The following RAD9B variants were observed in gnomAD, a reference collection of about 807,000 sequenced individuals.
RAD9B encodes cell cycle checkpoint control protein RAD9B.
A neutral mutation model predicts 48.3 loss-of-function variants in RAD9B; 41 were observed. The observed-to-expected ratio is 0.85, with a 90% CI of 0.66 to 1.10. The LOEUF (loss-of-function observed/expected upper bound fraction) is 1.10. RAD9B is among the 50% of genes least tolerant of loss of function. The pLI, the probability that RAD9B is intolerant of heterozygous loss-of-function variation, is 0.00. For missense variants in RAD9B, 444 were observed against 485.1 expected (o/e 0.92, Z 0.80); for synonymous variants, 160 against 157.9 (o/e 1.01, Z -0.10).
chr12:110,511,005 G>GAGAAA (rs199545148), intron 4 of RAD9B, among the ~76,000 whole-genome samples: 9 of 151,888 alleles, frequency 5.9e-5, no homozygotes, highest in Non-Finnish European at 7.4e-5. Context: ...GAGAAGAGGA[G>GAGAAA]AGAAAAGAAA....
intron 10 of RAD9B, among the ~76,000 whole-genome samples, chr12:110,525,142 C>T (rs1244652296): frequency 2.0e-5 from 3 of 152,080 alleles, no homozygotes; most frequent in Non-Finnish European, 4.4e-5. Flanking sequence ...CCTACCACCA[C>T]GCCCAGCTAA....
rs558272262 is a variant in RAD9B, at chr12:110,530,383, G to A, written c.1126-142G>A. The A allele has an allele frequency of 5.2e-6, 4 of 767,574 alleles. No individual in the cohort carries two copies. In the African/African-American group the frequency reaches 6.9e-5, roughly 13 times the overall value. The allele number at this position is 767,574 out of a possible 1,614,324, so 47.5% of individuals were successfully genotyped here. A position where few individuals can be genotyped will look rare whatever the true frequency, so the allele number is the denominator to read the frequency against. The stretch of plus-strand genomic sequence containing the variant: ...AGGACGTGTTGGACCAATAATGAAG[G>A]TTCTGGGTGTTCTGTGAACCATCAC... On this transcript the variant is annotated intron_variant, in intron 10 of 10. Coordinates refer to ENST00000409300, the MANE Select transcript of RAD9B (RefSeq NM_001286535.2).
At chr12:110,506,544 T>C in intron 3 of RAD9B, 35 bp from the exon 4 acceptor site, 1 of 1,011,696 alleles carries the variant, frequency 9.9e-7, no homozygotes, top group South Asian at 1.3e-5. Context: ...TCAACCATGT[T>C]AAGTATGTGC....
chr12:110,524,388 C>G (rs372633007), intron 10 of RAD9B, among the ~76,000 whole-genome samples: 9 of 151,602 alleles, frequency 5.9e-5, no homozygotes, highest in Non-Finnish European at 1.2e-4. Context: ...TTGGTGAAAC[C>G]CTGTCTCTAC....
At chr12:110,520,940 C>T (rs2063767426) in intron 9 of RAD9B, among the ~76,000 whole-genome samples, 1 of 151,946 alleles carries the variant, frequency 6.6e-6, no homozygotes, top group East Asian at 1.9e-4. Flanking sequence ...TGAGCCACTG[C>T]GCCTGGCTTT....
intron 8 of RAD9B, 97 bp downstream of exon 8, chr12:110,519,035 T>C: frequency 1.3e-6 from 1 of 785,120 alleles, no homozygotes; most frequent in Non-Finnish European, 2.0e-6. Flanking sequence ...ACCTCAGGAA[T>C]ACCTAAACTT....
chr12:110,503,565 A>T (rs918693967), intron 1 of RAD9B: 1 of 482,638 alleles, frequency 2.1e-6, no homozygotes, highest in African/African-American at 2.0e-5. Flanking sequence ...CTGTAAACAT[A>T]TAGAAGGACA....
At position 110,512,883 on chromosome 12, in the gene RAD9B, T is replaced by G; in HGVS notation, c.488+5T>G. 1 of 1,416,746 alleles carries G rather than the reference T, an allele frequency of 7.1e-7. No individual in the cohort carries two copies. The highest frequency in any genetic ancestry group is 9.9e-7 in the Non-Finnish European group (1 of 1,009,678). The allele number at this position is 1,416,746 out of a possible 1,614,324, so 87.8% of individuals were successfully genotyped here. ...TACGCTAATGATTCAACCAAGGTAA[T>G]GAGTTCTCTGTTGTCAGTTTTTTTC... On this transcript the variant is annotated splice_donor_5th_base_variant and intron_variant, in intron 5 of 10. Transcript: ENST00000409300.
intron 9 of RAD9B, among the ~76,000 whole-genome samples, chr12:110,520,239 C>G (rs554539969): frequency 3.3e-5 from 5 of 152,288 alleles, no homozygotes; most frequent in African/African-American, 1.2e-4. Context: ...CAAGGTCTCA[C>G]TCCCATTGCC....
At chr12:110,502,662 G>A (rs1259623318) in intron 1 of RAD9B, 2 of 418,874 alleles carry the variant, frequency 4.8e-6, no homozygotes, top group South Asian at 3.6e-5. Flanking sequence ...ACTGCATGGG[G>A]AAGAGTTGAG....
intron 2 of RAD9B, 68 bp from the exon 3 acceptor site, chr12:110,505,549 T>C: frequency 7.3e-7 from 1 of 1,361,884 alleles, no homozygotes; most frequent in Non-Finnish European, 9.7e-7. Flanking sequence ...CCAAAGTGCT[T>C]GGATTACAGG....
chr12:110,509,065 C>T (rs2063379696), intron 4 of RAD9B, among the ~76,000 whole-genome samples: 1 of 152,062 alleles, frequency 6.6e-6, no homozygotes, highest in South Asian at 2.1e-4. Context: ...CCTGGGTTCA[C>T]GCCATTCTCC....
At chr12:110,517,002 C>T (rs1376305197) in intron 6 of RAD9B, among the ~76,000 whole-genome samples, 1 of 151,930 alleles carries the variant, frequency 6.6e-6, no homozygotes, top group Non-Finnish European at 1.5e-5. Flanking sequence ...GATCTCACAA[C>T]AGGAGATTGA....
rs144396754 is a variant in RAD9B at position 110,516,069 on chromosome 12, A to G, written c.595+913A>G. On this transcript the variant is annotated intron_variant, in intron 6 of 10. Coordinates refer to ENST00000409300, the MANE Select transcript of RAD9B (RefSeq NM_001286535.2). ...TAGTGACACCTCATCTTTACAAAAC[A>G]TAAGAAAAATAGCCAGGCATGGTGG... Among the ~76,000 whole-genome samples, 35 of 152,208 alleles carry G rather than the reference A, an allele frequency of 2.3e-4. No individual in the cohort carries two copies. The East Asian group carries it at 6.0e-3, about 26-fold the overall frequency.
chr12:110,504,795 G>A lies in RAD9B; in HGVS notation c.118-822G>A, dbSNP rs374622416. 9.9e-5 allele frequency among the ~76,000 whole-genome samples: 15 copies of A among 152,146 alleles called. No individual in the cohort carries two copies. The East Asian group carries it at 2.7e-3, about 27-fold the overall frequency. On this transcript the variant is annotated intron_variant, in intron 2 of 10. Transcript: ENST00000409300. ...GAGGATCACTTGAGCCCAGGAGTTC[G>A]AGACCAGCCTGAGCAACAAAGCAAG...
intron 1 of RAD9B, chr12:110,502,822 G>GGC: frequency 6.2e-6 from 1 of 161,830 alleles, no homozygotes; most frequent in Non-Finnish European, 1.4e-5. Flanking sequence ...TTTCTAAAAC[G>GGC]GAAACAGGGG....
At chr12:110,503,947 A>C in intron 2 of RAD9B, 71 bp downstream of exon 2, 1 of 871,704 alleles carries the variant, frequency 1.1e-6, no homozygotes, top group Non-Finnish European at 1.7e-6. Context: ...TCCAGATTGA[A>C]TGTTAACTAG....
At chr12:110,517,789 C>CAA (rs397965034) in intron 6 of RAD9B, among the ~76,000 whole-genome samples, 1 of 144,702 alleles carries the variant, frequency 6.9e-6, no homozygotes, top group Non-Finnish European at 1.5e-5. Context: ...CACACACACA[C>CAA]AAATAATTAT....
In RAD9B at chr12:110,520,896, G is replaced by A. The variant is rs1225262322; in HGVS notation, c.890+980G>A. Among the ~76,000 whole-genome samples the A allele has an allele frequency of 4.6e-5, 7 of 151,800 alleles. No homozygotes were observed. In the South Asian group the frequency reaches 1.0e-3, roughly 23 times the overall value. The stretch of plus-strand genomic sequence containing the variant: ...GAACTCCTGACCTTGTGATCTGCCC[G>A]CCTCAGCCTCCCAAAGCGCTGGGAT... On this transcript the variant is annotated intron_variant, in intron 9 of 10. Coordinates refer to ENST00000409300, the MANE Select transcript of RAD9B (RefSeq NM_001286535.2).
Sources: gnomAD v4.1 joint callset for allele counts (sites outside exome capture counted in the v4.1 genomes callset) on GRCh38, gnomAD v4.1.1 for gene constraint, MANE v1.5 for transcripts, NCBI Gene and HGNC (gene_info 2026-07-23, HGNC 2026-07-21) for gene names.